ZNF138: variants seen among roughly 807,000 people sequenced by gnomAD.
ZNF138 encodes the protein zinc finger protein 138.
ZNF138 carries 33 observed loss-of-function variants against 33.0 expected under a neutral mutation model. That is an observed-to-expected ratio of 1.00 (90% confidence interval 0.76 to 1.34). The LOEUF (loss-of-function observed/expected upper bound fraction) is 1.34. Among genes scored for constraint, ZNF138 ranks in the 40% most tolerant of loss-of-function variants. The probability of loss-of-function intolerance (pLI) is 0.00; values close to 1 mark genes in which losing one functional copy is unlikely to be tolerated. For missense variants in ZNF138, 360 were observed against 370.8 expected (o/e 0.97, Z 0.24); for synonymous variants, 139 against 120.4 (o/e 1.15, Z -1.01).
chr7:64,831,856 A>C lies in ZNF138; in HGVS notation c.614A>C (p.Asn205Thr). 1 of 1,613,926 alleles carries C rather than the reference A, an allele frequency of 6.2e-7. No homozygotes were observed. Among genetic ancestry groups the C allele is most frequent in the Non-Finnish European group, 8.5e-7 (1 of 1,179,934 alleles). Residue 205 changes from asparagine to threonine, a missense_variant, in exon 4 of 4, where the codon AAC (asparagine) becomes ACC (threonine). Coordinates refer to ENST00000307355, the MANE Select transcript of ZNF138 (RefSeq NM_001271639.2). ...TGTGAAGAGTGTGGAAAAACCTTTA[A>C]CTGGTCCACAAACCTTTCTAAACCT... ...YKCEECGKTF[N>T]WSTNLSKPKK...
At chr7:64,844,933 C>A in the ZNF138 span, among the ~76,000 whole-genome samples, 1 of 152,226 alleles carries the variant, frequency 6.6e-6, no homozygotes, top group Non-Finnish European at 1.5e-5. Context: ...GATCTGCCCG[C>A]CTCGGCCTCC....
the ZNF138 span, among the ~76,000 whole-genome samples, chr7:64,848,317 C>T: frequency 1.3e-5 from 2 of 152,088 alleles, no homozygotes; most frequent in African/African-American, 4.8e-5. Context: ...TCATTCCAAA[C>T]TTCTTGGAAG....
At chr7:64,806,940 G>A (rs923137914) in intron 1 of ZNF138, among the ~76,000 whole-genome samples, 4 of 152,186 alleles carry the variant, frequency 2.6e-5, no homozygotes, top group Non-Finnish European at 4.4e-5. Flanking sequence ...ACTGTGACAT[G>A]TTCATGATGG....
chr7:64,829,482 TC>T (rs1357884024), intron 3 of ZNF138, among the ~76,000 whole-genome samples: 1 of 150,900 alleles, frequency 6.6e-6, no homozygotes, highest in African/African-American at 2.4e-5. Flanking sequence ...TTTAAAAATC[TC>T]TTTGGCGTTT....
intron 3 of ZNF138, among the ~76,000 whole-genome samples, chr7:64,817,459 A>G (rs6980168): frequency 0.99 from 150,054 of 152,256 alleles, 73,980 homozygotes; most frequent in East Asian, 1. Flanking sequence ...ACACTCCTCC[A>G]TCTGGGGTTT....
the ZNF138 span, among the ~76,000 whole-genome samples, chr7:64,855,422 T>A: frequency 7.0e-6 from 1 of 142,700 alleles, no homozygotes; most frequent in Non-Finnish European, 1.5e-5. Flanking sequence ...GATAAAGTCT[T>A]CTTAGTTAAG....
At chr7:64,835,406 G>A (rs1790338085), downstream of ZNF138, 1 of 152,036 alleles carries the variant, frequency 6.6e-6, no homozygotes, top group African/African-American at 2.4e-5. Context: ...GTATCCGCTG[G>A]CGGAGAAACT....
the ZNF138 span, among the ~76,000 whole-genome samples, chr7:64,847,722 A>G: frequency 6.6e-6 from 1 of 152,052 alleles, no homozygotes; most frequent in Admixed American, 6.5e-5. Flanking sequence ...TTTCCACTCC[A>G]TTACCTTAAG....
chr7:64,834,428 G>A (rs1790304613), downstream of ZNF138, among the ~76,000 whole-genome samples: 1 of 152,112 alleles, frequency 6.6e-6, no homozygotes, highest in Non-Finnish European at 1.5e-5. Context: ...ACTAAAGTGG[G>A]TAGATAAATT....
At chr7:64,852,440 TGTG>T in the ZNF138 span, 1 of 1,577,768 alleles carries the variant, frequency 6.3e-7, no homozygotes, top group Admixed American at 1.8e-5. Context: ...AGTGGCCACT[TGTG>T]GTGCAATCTC....
the ZNF138 span, among the ~76,000 whole-genome samples, chr7:64,848,193 G>A: frequency 0.041 from 6,283 of 152,108 alleles, 198 homozygotes; most frequent in East Asian, 0.14. Flanking sequence ...TTTCTAGCTT[G>A]TAGGGTTTCT....
chr7:64,826,061 T>C (rs1789586861), intron 3 of ZNF138, among the ~76,000 whole-genome samples: 1 of 152,170 alleles, frequency 6.6e-6, no homozygotes, highest in Non-Finnish European at 1.5e-5. Flanking sequence ...TGTCTTGAAC[T>C]TCTGGGATCA....
intron 1 of ZNF138, among the ~76,000 whole-genome samples, chr7:64,805,515 T>C (rs1041241077): frequency 2.0e-5 from 3 of 152,136 alleles, no homozygotes; most frequent in Admixed American, 6.5e-5. Context: ...CAGGCCTCAC[T>C]CCGATGTGGC....
chr7:64,842,281 C>T, the ZNF138 span, among the ~76,000 whole-genome samples: 1 of 147,016 alleles, frequency 6.8e-6, no homozygotes, highest in Non-Finnish European at 1.5e-5. Flanking sequence ...CCAGGCTGGT[C>T]TCGAACTCCT....
intron 1 of ZNF138, among the ~76,000 whole-genome samples, chr7:64,809,288 C>T (rs1396701700): frequency 0.061 from 347 of 5,694 alleles, 158 homozygotes; most frequent in South Asian, 0.13. Flanking sequence ...CCCTCCCGGA[C>T]GGGGCGGCTG....
the ZNF138 span, among the ~76,000 whole-genome samples, chr7:64,845,400 A>G: frequency 6.6e-6 from 1 of 152,232 alleles, no homozygotes; most frequent in Non-Finnish European, 1.5e-5. Context: ...ATGTGCAAGT[A>G]TCTTTTTTGT....
At chr7:64,817,288 AG>A (rs1318358717) in intron 3 of ZNF138, among the ~76,000 whole-genome samples, 2 of 152,238 alleles carry the variant, frequency 1.3e-5, no homozygotes, top group African/African-American at 4.8e-5. Flanking sequence ...CTGGAAGAGC[AG>A]GACCTCTCCC....
intron 1 of ZNF138, among the ~76,000 whole-genome samples, chr7:64,809,707 G>A (rs1371396536): frequency 3.4e-5 from 5 of 147,934 alleles, no homozygotes; most frequent in African/African-American, 7.5e-5. Flanking sequence ...CAGACGGGGC[G>A]GTTGCCGGGC....
downstream of ZNF138, among the ~76,000 whole-genome samples, chr7:64,834,084 TAA>T (rs1199983242): frequency 6.6e-6 from 1 of 152,098 alleles, no homozygotes; most frequent in Non-Finnish European, 1.5e-5. Flanking sequence ...ATTAGAAACA[TAA>T]AGAGGGTTGT....
Sources: allele counts gnomAD v4.1 joint callset (sites outside exome capture counted in the v4.1 genomes callset), GRCh38; gene constraint gnomAD v4.1.1; transcripts MANE v1.5; gene names NCBI Gene and HGNC (gene_info 2026-07-23, HGNC 2026-07-21).